Variants in IL1RAPL2 observed in about 807,000 individuals in gnomAD.
IL1RAPL2 encodes X-linked interleukin-1 receptor accessory protein-like 2.
In IL1RAPL2, 3 loss-of-function variants were observed where a neutral mutation model predicts 44.1. The observed-to-expected ratio is 0.07, with a 90% CI of 0.03 to 0.18. IL1RAPL2 has a LOEUF of 0.18. Ranked by LOEUF, IL1RAPL2 falls within the 10% of genes least tolerant of loss-of-function variation. The probability of loss-of-function intolerance (pLI) is 1.00; values close to 1 mark genes in which losing one functional copy is unlikely to be tolerated. For synonymous variants in IL1RAPL2, 181 were observed against 178.8 expected (o/e 1.01, Z -0.10); for missense variants, 391 against 496.4 (o/e 0.79, Z 2.02).
intron 5 of IL1RAPL2, among the ~76,000 whole-genome samples, chrX:105,397,496 G>T (rs931564159): frequency 5.4e-5 from 6 of 111,088 alleles, no homozygotes; most frequent in Admixed American, 1.9e-4. Context: ...AAAGAAAGAG[G>T]GAGTGACAGC....
At chrX:105,488,677 A>C (rs928980324) in intron 6 of IL1RAPL2, among the ~76,000 whole-genome samples, 2 of 112,166 alleles carry the variant, frequency 1.8e-5, no homozygotes, top group Non-Finnish European at 3.8e-5. Context: ...ATGCAAAATG[A>C]GACACGTTTT....
intron 2 of IL1RAPL2, among the ~76,000 whole-genome samples, chrX:104,838,517 C>T (rs182437273): frequency 1.1e-4 from 12 of 111,287 alleles, no homozygotes; most frequent in African/African-American, 3.9e-4. Context: ...TGATTTGGCT[C>T]TCCACTTGTT....
At chrX:104,796,021 C>A in intron 2 of IL1RAPL2, among the ~76,000 whole-genome samples, 1 of 112,203 alleles carries the variant, frequency 8.9e-6, no homozygotes, top group East Asian at 2.8e-4. Flanking sequence ...AGCTATAGAT[C>A]TCACTTCCAT....
At chrX:105,197,392 T>C (rs1378995050) in intron 3 of IL1RAPL2, among the ~76,000 whole-genome samples, 1 of 112,087 alleles carries the variant, frequency 8.9e-6, no homozygotes, top group African/African-American at 3.2e-5. Flanking sequence ...ATTTGCTTTT[T>C]GTTTGTTGTT....
intron 3 of IL1RAPL2, among the ~76,000 whole-genome samples, chrX:105,226,085 C>T (rs1296436597): frequency 9.0e-6 from 1 of 111,522 alleles, no homozygotes; most frequent in Admixed American, 9.6e-5. Context: ...AACAAAGGGC[C>T]GACATGCTTA....
intron 6 of IL1RAPL2, among the ~76,000 whole-genome samples, chrX:105,538,733 A>G (rs1219352408): frequency 1.8e-5 from 2 of 111,800 alleles, no homozygotes; most frequent in African/African-American, 6.5e-5. Context: ...CGAAATAGGA[A>G]AAGAAGAAGT....
intron 6 of IL1RAPL2, among the ~76,000 whole-genome samples, chrX:105,695,640 A>G (rs951261254): frequency 1.8e-5 from 2 of 111,790 alleles, no homozygotes; most frequent in African/African-American, 6.5e-5. Flanking sequence ...TAGTAACAAC[A>G]TAAAAGCTAC....
At chrX:105,043,646 G>C (rs946838179) in intron 2 of IL1RAPL2, among the ~76,000 whole-genome samples, 1 of 110,223 alleles carries the variant, frequency 9.1e-6, no homozygotes, top group Non-Finnish European at 1.9e-5. Flanking sequence ...TGTGGAAAGA[G>C]AGCCATAGTC....
chrX:105,306,613 C>A (rs961582866), intron 5 of IL1RAPL2, among the ~76,000 whole-genome samples: 4 of 111,473 alleles, frequency 3.6e-5, no homozygotes, highest in African/African-American at 1.3e-4. Flanking sequence ...AATTTGATTG[C>A]CTCATGTTTC....
At chrX:104,853,572 A>C (rs1159515512) in intron 2 of IL1RAPL2, among the ~76,000 whole-genome samples, 1 of 110,852 alleles carries the variant, frequency 9.0e-6, no homozygotes, top group African/African-American at 3.3e-5. Flanking sequence ...GTTGTGAGGG[A>C]GCAATGAAGA....
chrX:105,178,977 G>A (rs1267671738), intron 2 of IL1RAPL2, among the ~76,000 whole-genome samples: 2 of 111,561 alleles, frequency 1.8e-5, no homozygotes, highest in Admixed American at 9.5e-5. Flanking sequence ...TACTTCTACT[G>A]TGAAGGAGTT....
chrX:105,183,098 T>C (rs782601950), intron 2 of IL1RAPL2, among the ~76,000 whole-genome samples: 1 of 111,165 alleles, frequency 9.0e-6, no homozygotes, highest in South Asian at 3.9e-4. Context: ...GGTGGGCCTA[T>C]CTCTAGGTCC....
At chrX:104,900,223 C>T (rs1216722126) in intron 2 of IL1RAPL2, among the ~76,000 whole-genome samples, 1 of 111,684 alleles carries the variant, frequency 9.0e-6, no homozygotes, top group Non-Finnish European at 1.9e-5. Flanking sequence ...CAAGAGTTTG[C>T]TATCACTTTG....
chrX:104,805,662 G>A (rs369422281), intron 2 of IL1RAPL2, among the ~76,000 whole-genome samples: 1 of 111,672 alleles, frequency 9.0e-6, no homozygotes, highest in Non-Finnish European at 1.9e-5. Flanking sequence ...TCCTAGCCTG[G>A]GAGTAGTTAT....
At chrX:105,144,219 G>C (rs192318605) in intron 2 of IL1RAPL2, among the ~76,000 whole-genome samples, 13 of 106,982 alleles carry the variant, frequency 1.2e-4, no homozygotes, top group African/African-American at 4.4e-4. Context: ...CTGTGCTCTT[G>C]GCTGATTTCC....
intron 2 of IL1RAPL2, among the ~76,000 whole-genome samples, chrX:105,145,929 T>A (rs1244434002): frequency 9.0e-6 from 1 of 111,129 alleles, no homozygotes; most frequent in Non-Finnish European, 1.9e-5. Context: ...TGGGAAGTTA[T>A]TAGATCAAAA....
chrX:104,941,348 A>G (rs1437929085), intron 2 of IL1RAPL2, among the ~76,000 whole-genome samples: 2 of 111,192 alleles, frequency 1.8e-5, no homozygotes, highest in African/African-American at 6.6e-5. Flanking sequence ...ATTTCTCCAC[A>G]TCCTCTCCAG....
chrX:105,718,223 C>T (rs1220947785), intron 7 of IL1RAPL2, among the ~76,000 whole-genome samples: 1 of 111,907 alleles, frequency 8.9e-6, no homozygotes, highest in Non-Finnish European at 1.9e-5. Context: ...GGATTCTTCC[C>T]TCTTCACTCC....
At chrX:105,324,024 G>A (rs1218789831) in intron 5 of IL1RAPL2, among the ~76,000 whole-genome samples, 1 of 111,617 alleles carries the variant, frequency 9.0e-6, no homozygotes, top group Non-Finnish European at 1.9e-5. Context: ...TGTGCCTCAA[G>A]TTTACAATCT....
Sources: allele counts gnomAD v4.1 joint callset (sites outside exome capture counted in the v4.1 genomes callset), GRCh38; gene constraint gnomAD v4.1.1; transcripts MANE v1.5; gene names NCBI Gene and HGNC (gene_info 2026-07-23, HGNC 2026-07-21).